Variants in PABPC4L observed in about 807,000 individuals in gnomAD.
PABPC4L encodes polyadenylate-binding protein 4-like.
For synonymous variants in PABPC4L, 169 were observed against 164.1 expected (o/e 1.03, Z -0.23); for missense variants, 452 against 451.4 (o/e 1.00, Z -0.01).
At chr4:134,099,873 A>C in the PABPC4L span, among the ~76,000 whole-genome samples, 18 of 151,668 alleles carry the variant, frequency 1.2e-4, no homozygotes, top group African/African-American at 4.3e-4. Context: ...CAATTCTAAC[A>C]CCTATCCAGT....
the PABPC4L span, among the ~76,000 whole-genome samples, chr4:134,083,454 A>G: frequency 6.6e-6 from 1 of 152,118 alleles, no homozygotes; most frequent in Admixed American, 6.6e-5. Context: ...CATTCCTCTC[A>G]GATACATTTT....
the PABPC4L span, among the ~76,000 whole-genome samples, chr4:134,031,705 T>C: frequency 4.6e-5 from 7 of 151,916 alleles, no homozygotes; most frequent in South Asian, 1.2e-3. Flanking sequence ...GAGTCTAGAC[T>C]CTAAAGCTGG....
chr4:133,953,202 G>A, the PABPC4L span, among the ~76,000 whole-genome samples: 1 of 152,078 alleles, frequency 6.6e-6, no homozygotes, highest in Non-Finnish European at 1.5e-5. Flanking sequence ...TCCACTTGCA[G>A]TCTTTGGAGT....
chr4:133,983,346 C>A, the PABPC4L span, among the ~76,000 whole-genome samples: 1 of 151,850 alleles, frequency 6.6e-6, no homozygotes, highest in African/African-American at 2.4e-5. Context: ...ATGTCTACTA[C>A]ATGCTCAATT....
the PABPC4L span, among the ~76,000 whole-genome samples, chr4:134,058,729 T>C: frequency 6.6e-6 from 1 of 152,086 alleles, no homozygotes; most frequent in African/African-American, 2.4e-5. Flanking sequence ...TCAACTTTAA[T>C]TCTTCAGATA....
At chr4:134,092,479 C>G in the PABPC4L span, among the ~76,000 whole-genome samples, 1 of 151,988 alleles carries the variant, frequency 6.6e-6, no homozygotes. Flanking sequence ...TGACCTGATA[C>G]TTCCTGGATA....
chr4:134,050,706 C>CAAA, the PABPC4L span, among the ~76,000 whole-genome samples: 7 of 82,976 alleles, frequency 8.4e-5, no homozygotes, highest in African/African-American at 2.6e-4. Context: ...CACCGTCTCC[C>CAAA]AAAAAAAAAA....
the PABPC4L span, among the ~76,000 whole-genome samples, chr4:134,108,278 A>C: frequency 6.6e-6 from 1 of 151,806 alleles, no homozygotes; most frequent in Non-Finnish European, 1.5e-5. Context: ...ATTATGTGAC[A>C]AAGTCAAATT....
the PABPC4L span, among the ~76,000 whole-genome samples, chr4:134,102,118 T>C: frequency 1.3e-5 from 2 of 151,444 alleles, no homozygotes; most frequent in African/African-American, 4.8e-5. Context: ...AAAATAACCC[T>C]GAACTCTCCA....
chr4:134,066,146 C>G, the PABPC4L span, among the ~76,000 whole-genome samples: 1 of 151,852 alleles, frequency 6.6e-6, no homozygotes, highest in African/African-American at 2.4e-5. Context: ...GTGAAGAATG[C>G]CATGGTAAAT....
the PABPC4L span, among the ~76,000 whole-genome samples, chr4:134,070,901 C>T: frequency 1.3e-5 from 2 of 152,152 alleles, no homozygotes; most frequent in Non-Finnish European, 2.9e-5. Flanking sequence ...GACTACTCTG[C>T]TCTCTCCAGG....
At chr4:134,056,186 G>C in the PABPC4L span, among the ~76,000 whole-genome samples, 1 of 151,902 alleles carries the variant, frequency 6.6e-6, no homozygotes, top group Non-Finnish European at 1.5e-5. Flanking sequence ...ATTGATCTGA[G>C]TGTTTATCCT....
chr4:134,036,047 A>T, the PABPC4L span, among the ~76,000 whole-genome samples: 1 of 152,080 alleles, frequency 6.6e-6, no homozygotes, highest in South Asian at 2.1e-4. Flanking sequence ...ACACTTAGGG[A>T]TTACGAGGAT....
At chr4:134,103,816 T>A in the PABPC4L span, among the ~76,000 whole-genome samples, 3 of 151,756 alleles carry the variant, frequency 2.0e-5, no homozygotes, top group Non-Finnish European at 4.4e-5. Context: ...AGTGTGTGAA[T>A]GTACATGGAG....
At chr4:134,147,890 G>C in the PABPC4L span, among the ~76,000 whole-genome samples, 2 of 152,142 alleles carry the variant, frequency 1.3e-5, no homozygotes, top group South Asian at 4.1e-4. Context: ...CATAAAGGAT[G>C]CATTACAATC....
the PABPC4L span, among the ~76,000 whole-genome samples, chr4:133,966,576 G>A: frequency 6.6e-6 from 1 of 152,130 alleles, no homozygotes; most frequent in African/African-American, 2.4e-5. Flanking sequence ...CAATAAACTA[G>A]TGGATAAAGA....
the PABPC4L span, among the ~76,000 whole-genome samples, chr4:134,038,952 A>C: frequency 6.6e-6 from 1 of 152,050 alleles, no homozygotes; most frequent in Non-Finnish European, 1.5e-5. Flanking sequence ...TTTCTCTTGT[A>C]GGCATTTAGT....
At chr4:134,051,215 G>C in the PABPC4L span, among the ~76,000 whole-genome samples, 521 of 152,196 alleles carry the variant, frequency 3.4e-3, 3 homozygotes, top group Admixed American at 7.2e-3. Flanking sequence ...GTGAAAAGTA[G>C]GTCAAAAATG....
At chr4:134,034,606 A>T in the PABPC4L span, among the ~76,000 whole-genome samples, 12,939 of 152,068 alleles carry the variant, frequency 0.085, 629 homozygotes, top group Non-Finnish European at 0.11. Context: ...GAAGAAGTTG[A>T]TTCCATCTCT....
Sources: allele counts gnomAD v4.1 joint callset (sites outside exome capture counted in the v4.1 genomes callset), GRCh38; gene constraint gnomAD v4.1.1; transcripts MANE v1.5; gene names NCBI Gene and HGNC (gene_info 2026-07-23, HGNC 2026-07-21).